MYT1: variants seen among roughly 807,000 people sequenced by gnomAD.
MYT1 encodes the protein myelin transcription factor I.
In MYT1, 23 loss-of-function variants were observed where a neutral mutation model predicts 123.0. The ratio of observed to expected loss-of-function variants is 0.19; its 90% CI spans 0.13 to 0.26. The LOEUF (loss-of-function observed/expected upper bound fraction) is 0.26, where lower values mean the gene tolerates loss of function less well. MYT1 is among the 10% of genes least tolerant of loss of function. The pLI, the probability that MYT1 is intolerant of heterozygous loss-of-function variation, is 1.00. For missense variants in MYT1, 1,125 were observed against 1,472.5 expected, an observed-to-expected ratio of 0.76 and a Z score of 3.86; for synonymous variants, 518 against 575.3, an observed-to-expected ratio of 0.90 and a Z score of 1.43.
chr20:64,178,857 G>T (rs1982553722), intron 1 of MYT1, among the ~76,000 whole-genome samples: 2 of 132,262 alleles, frequency 1.5e-5, no homozygotes, highest in Admixed American at 1.4e-4. Flanking sequence ...GTTATTCGGT[G>T]GGATACCCTT....
At position 64,219,707 on chromosome 20, in the gene MYT1, T is replaced by C. The variant is rs1414332909; in HGVS notation, c.1972-6T>C. On this transcript the variant is annotated splice_region_variant and splice_polypyrimidine_tract_variant and intron_variant, in intron 12 of 22. Transcript: ENST00000328439. ...TCGCTAACAGATCTCACCTTTGCCA[T>C]TGCAGTCTGTGGATATCGAGGTAGA... 1.9e-6 allele frequency: 3 copies of C among 1,606,462 alleles called. No homozygotes were observed. The highest frequency in any genetic ancestry group is 2.6e-6 in the Non-Finnish European group (3 of 1,174,808).
chr20:64,188,290 G>A (rs554937361), intron 1 of MYT1, among the ~76,000 whole-genome samples: 101 of 152,288 alleles, frequency 6.6e-4, no homozygotes, highest in African/African-American at 2.1e-3. Flanking sequence ...GAGAGGCAGC[G>A]TCTCCTCTGG....
chr20:64,187,170 C>T (rs1284192844), intron 1 of MYT1, among the ~76,000 whole-genome samples: 6 of 135,296 alleles, frequency 4.4e-5, no homozygotes, highest in Non-Finnish European at 4.7e-5. Context: ...TCCTGTAGCC[C>T]ATGGCCCCGG....
In MYT1 at chr20:64,191,799, T is replaced by A. The variant is rs760605227; in HGVS notation, c.-1+1639T>A. On this transcript the variant is annotated intron_variant, in intron 2 of 22. Transcript: ENST00000328439. The surrounding 1 kb of genome is among the most constrained non-coding windows in gnomAD (Gnocchi z 4.1). ...TCAGTAATATGGATCCTGTCTTTATTTAAGGTTTTGGTATCTTGTTTATTA... is the reference window on the plus strand; with the variant it reads ...TCAGTAATATGGATCCTGTCTTTATATAAGGTTTTGGTATCTTGTTTATTA... 1 of 152,212 alleles carries A rather than the reference T, an allele frequency of 6.6e-6. No homozygotes were observed. Among genetic ancestry groups the A allele is most frequent in the Non-Finnish European group, 1.5e-5 (1 of 68,048 alleles). 9.4% of individuals were successfully genotyped at this position (152,212 alleles called of 1,614,324 possible). A position where few individuals can be genotyped will look rare whatever the true frequency, so the allele number is the denominator to read the frequency against.
intron 1 of MYT1, among the ~76,000 whole-genome samples, chr20:64,169,199 G>A (rs369686653): frequency 6.6e-6 from 1 of 152,082 alleles, no homozygotes; most frequent in African/African-American, 2.4e-5. Flanking sequence ...GTGGGAGTTT[G>A]GATGCTCCAT....
chr20:64,219,061 T>C lies in MYT1; in HGVS notation c.1971+26T>C, dbSNP rs376695050. On this transcript the variant is annotated intron_variant, in intron 12 of 22. Coordinates refer to ENST00000328439, the MANE Select transcript of MYT1 (RefSeq NM_004535.3). ...GTTAGTACATCTGCCACAGAGCCTT[T>C]CTTGGGAGAGGTGAGTTGGTGGAAT... 2.8e-5 allele frequency: 44 copies of C among 1,591,534 alleles called. No individual in the cohort carries two copies. The East Asian group carries it at 5.4e-4, about 20-fold the overall frequency.
rs370157762 is a variant in MYT1, at chr20:64,207,640, C to T, written c.444C>T (p.Ser148=). 79 of 1,613,704 alleles carry T rather than the reference C, an allele frequency of 4.9e-5. No individual in the cohort carries two copies. The highest frequency in any genetic ancestry group is 1.6e-4 in the African/African-American group (12 of 74,902). The part of the protein sequence containing the change: ...KSHFGSNPIG[S]ATASSKGSYS... The stretch of plus-strand genomic sequence containing the variant: ...ATTTTGGATCCAACCCCATCGGCAG[C>T]GCCACTGCCTCCTCCAAGGGCAGCT... The change falls in exon 7 of 23, where the codon AGC becomes AGT. Residue 148 remains serine (S), a synonymous_variant. Transcript: ENST00000328439.
intron 4 of MYT1, among the ~76,000 whole-genome samples, chr20:64,200,539 G>A (rs1028331094): frequency 6.6e-6 from 1 of 152,176 alleles, no homozygotes; most frequent in Non-Finnish European, 1.5e-5. Context: ...CTTTTGCAGA[G>A]GTGGGACAGG....
chr20:64,237,985 C>T (rs1984602633), intron 21 of MYT1, among the ~76,000 whole-genome samples: 1 of 152,164 alleles, frequency 6.6e-6, no homozygotes. Context: ...AAACATTCAG[C>T]ATAAGCACCT....
intron 19 of MYT1, among the ~76,000 whole-genome samples, chr20:64,236,051 C>G (rs867688764): frequency 5.9e-5 from 1 of 16,886 alleles, no homozygotes; most frequent in Non-Finnish European, 1.0e-4. Context: ...GGGATGGTCG[C>G]GGTGGGTGAC....
chr20:64,228,239 G>T, intron 18 of MYT1: 1 of 497,758 alleles, frequency 2.0e-6, no homozygotes, highest in Non-Finnish European at 3.6e-6. Context: ...ATTTGACGGG[G>T]CTGGGAGAGG....
rs538039086 is a variant in MYT1 at position 64,166,553 on chromosome 20, C to T, written c.-99+1814C>T. ...GGCCTGGTAGCCCTCTTCAGAGACCCGAGGCAGGGGGGCTGCTTCTGTCCA... is the reference window on the plus strand; with the variant it reads ...GGCCTGGTAGCCCTCTTCAGAGACCTGAGGCAGGGGGGCTGCTTCTGTCCA... On this transcript the variant is annotated intron_variant, in intron 1 of 22. Transcript: ENST00000328439. This position sits in a 1 kb window ranked among gnomAD's most constrained non-coding sequence, Gnocchi z 4.9. 3.9e-5 allele frequency among the ~76,000 whole-genome samples: 6 copies of T among 152,236 alleles called. No homozygotes were observed. Among genetic ancestry groups the T allele is most frequent in the African/African-American group, 9.6e-5 (4 of 41,548 alleles).
rs565367995 is a variant in MYT1, at chr20:64,167,835, C to G, written c.-99+3096C>G. Among the ~76,000 whole-genome samples, 4 of 152,342 alleles carry G rather than the reference C, an allele frequency of 2.6e-5. No homozygotes were observed. The highest frequency in any genetic ancestry group is 9.6e-5 in the African/African-American group (4 of 41,584). On this transcript the variant is annotated intron_variant, in intron 1 of 22. Coordinates refer to ENST00000328439, the MANE Select transcript of MYT1 (RefSeq NM_004535.3). This position sits in a 1 kb window ranked among gnomAD's most constrained non-coding sequence, Gnocchi z 6.3. ...TAGTTGTCTACAGATGTAATTTTAA[C>G]AGGAATGTTGTGGTGTGAGTTTACA... is the stretch of plus-strand genomic sequence containing the variant.
rs1381729783 is a variant in MYT1, at chr20:64,205,018, T to C, written c.87-17T>C. On this transcript the variant is annotated splice_polypyrimidine_tract_variant and intron_variant, in intron 4 of 22. Coordinates refer to ENST00000328439, the MANE Select transcript of MYT1 (RefSeq NM_004535.3). ...GCCCATCGCCTGATGTGGCCTTGCC[T>C]TTTTATTTCCCCTCAGCTGCCCCAC... 1 of 1,613,902 alleles carries C rather than the reference T, an allele frequency of 6.2e-7. No individual in the cohort carries two copies. The highest frequency in any genetic ancestry group is 1.3e-5 in the African/African-American group (1 of 75,046).
intron 18 of MYT1, among the ~76,000 whole-genome samples, chr20:64,230,766 T>C (rs1189072089): frequency 6.6e-6 from 1 of 152,206 alleles, no homozygotes; most frequent in Non-Finnish European, 1.5e-5. Flanking sequence ...GACCTCGGAC[T>C]GGCTCAGGGA....
At chr20:64,182,306 C>T (rs556385002) in intron 1 of MYT1, among the ~76,000 whole-genome samples, 149 of 152,318 alleles carry the variant, frequency 9.8e-4, no homozygotes, top group Middle Eastern at 3.4e-3. Context: ...GGAGCAGCCA[C>T]GGTGTCCCAG....
intron 4 of MYT1, among the ~76,000 whole-genome samples, chr20:64,200,562 C>G (rs1278273578): frequency 6.6e-6 from 1 of 152,162 alleles, no homozygotes; most frequent in Non-Finnish European, 1.5e-5. Context: ...GACAGTGTCC[C>G]TCTGACACTT....
At chr20:64,199,290 G>A (rs1983219467) in intron 3 of MYT1, among the ~76,000 whole-genome samples, 3 of 152,200 alleles carry the variant, frequency 2.0e-5, no homozygotes, top group Admixed American at 6.5e-5. Context: ...GGAGGTTGTT[G>A]GGTTGAGCTG....
At position 64,168,315 on chromosome 20, in the gene MYT1, A is replaced by G. The variant is rs1427156648; in HGVS notation, c.-99+3576A>G. Among the ~76,000 whole-genome samples the G allele has an allele frequency of 6.6e-6, 1 of 152,226 alleles. No individual in the cohort carries two copies. Among genetic ancestry groups the G allele is most frequent in the Non-Finnish European group, 1.5e-5 (1 of 68,052 alleles). On this transcript the variant is annotated intron_variant, in intron 1 of 22. Coordinates refer to ENST00000328439, the MANE Select transcript of MYT1 (RefSeq NM_004535.3). The surrounding 1 kb of genome is among the most constrained non-coding windows in gnomAD (Gnocchi z 6.1). ...TTTCTCTTCAGTGTTACTGGAACTA[A>G]CCAGATACAAGTGTGGAGTCTTTTC...
Sources: gnomAD v4.1 joint callset for allele counts (sites outside exome capture counted in the v4.1 genomes callset) on GRCh38, gnomAD v4.1.1 for gene constraint, Gnocchi (gnomAD v3.1) non-coding constraint, MANE v1.5 for transcripts, NCBI Gene and HGNC (gene_info 2026-07-23, HGNC 2026-07-21) for gene names.